RFTN1: variants seen among roughly 807,000 people sequenced by gnomAD.
RFTN1 encodes the protein raftlin, lipid raft linker 1.
RFTN1 carries 26 observed loss-of-function variants against 46.5 expected under a neutral mutation model. The observed-to-expected ratio is 0.56, with a 90% CI of 0.41 to 0.78. The LOEUF (loss-of-function observed/expected upper bound fraction) is 0.78. RFTN1 is among the 30% of genes least tolerant of loss of function. The probability of loss-of-function intolerance (pLI) is 0.00; values close to 1 mark genes in which losing one functional copy is unlikely to be tolerated. For missense variants in RFTN1, 693 were observed against 718.7 expected (o/e 0.96, Z 0.41); for synonymous variants, 261 against 284.2 (o/e 0.92, Z 0.82).
rs1575110687 is a variant in RFTN1, at chr3:16,356,854, G to A, written c.1146+1078C>T. On this transcript the variant is annotated intron_variant, in intron 7 of 9. Transcript: ENST00000334133. This position sits in a 1 kb window ranked among gnomAD's most constrained non-coding sequence, Gnocchi z 4.9. ...TCCATGGCTGGGCACGGTGGCTCACGCTGTAATCCCAGCACTTCAACAGGC... is the reference window on the plus strand; with the variant it reads ...TCCATGGCTGGGCACGGTGGCTCACACTGTAATCCCAGCACTTCAACAGGC... Among the ~76,000 whole-genome samples the A allele has an allele frequency of 6.6e-6, 1 of 152,268 alleles. No homozygotes were observed. Among genetic ancestry groups the A allele is most frequent in the African/African-American group, 2.4e-5 (1 of 41,568 alleles).
chr3:16,489,647 C>T lies in RFTN1; in HGVS notation c.145+4078G>A, dbSNP rs890475831. Among the ~76,000 whole-genome samples the T allele has an allele frequency of 2.0e-5, 3 of 152,110 alleles. No homozygotes were observed. The highest frequency in any genetic ancestry group is 4.4e-5 in the Non-Finnish European group (3 of 68,030). ...GAGCAGGCCAGTGCAGTGGCTCATG[C>T]CTGTAAGCCCAGCACTTTGGGAGGC... On this transcript the variant is annotated intron_variant, in intron 2 of 9. Coordinates refer to ENST00000334133, the MANE Select transcript of RFTN1 (RefSeq NM_015150.2). The surrounding 1 kb of genome is among the most constrained non-coding windows in gnomAD (Gnocchi z 4.0).
chr3:16,391,891 TTTG>T (rs1333112835), intron 4 of RFTN1, among the ~76,000 whole-genome samples: 548 of 27,192 alleles, frequency 0.02, 94 homozygotes, highest in Non-Finnish European at 0.027. Context: ...TGTTTTTTTT[TTTG>T]TTTTTTTTAC....
intron 6 of RFTN1, 115 bp downstream of exon 6, chr3:16,369,961 G>A: frequency 2.1e-6 from 2 of 963,814 alleles, no homozygotes; most frequent in East Asian, 4.9e-5. Context: ...ATGCAGCATG[G>A]TTATCGGCTG....
At chr3:16,469,936 C>A (rs867591009) in intron 2 of RFTN1, among the ~76,000 whole-genome samples, 37 of 152,310 alleles carry the variant, frequency 2.4e-4, no homozygotes, top group South Asian at 4.1e-4. Context: ...TTCACCCTGA[C>A]AATAACCCAG....
At chr3:16,435,915 T>TAA (rs1436879578) in intron 2 of RFTN1, among the ~76,000 whole-genome samples, 1 of 52,052 alleles carries the variant, frequency 1.9e-5, no homozygotes, top group Non-Finnish European at 3.9e-5. Context: ...ATCAGAGATG[T>TAA]AAATATATAT....
Position 16,468,825 on chromosome 3 carries a change from G to A in RFTN1, c.145+24900C>T, listed in dbSNP as rs1028962950. Among the ~76,000 whole-genome samples, 1 of 152,088 alleles carries A rather than the reference G, an allele frequency of 6.6e-6. No individual in the cohort carries two copies. The highest frequency in any genetic ancestry group is 2.4e-5 in the African/African-American group (1 of 41,412). On this transcript the variant is annotated intron_variant, in intron 2 of 9. Coordinates refer to ENST00000334133, the MANE Select transcript of RFTN1 (RefSeq NM_015150.2). The surrounding 1 kb of genome is among the most constrained non-coding windows in gnomAD (Gnocchi z 4.4). The stretch of plus-strand genomic sequence containing the variant: ...GGAGCAATTAAATCTTTATAACTGA[G>A]ACAAAAAAAATGCCACATAATTAGA...
In RFTN1 at chr3:16,376,211, G is replaced by A. The variant is rs1205726159; in HGVS notation, c.826+1507C>T. On this transcript the variant is annotated intron_variant, in intron 5 of 9. Transcript: ENST00000334133. This position sits in a 1 kb window ranked among gnomAD's most constrained non-coding sequence, Gnocchi z 4.7. ...CAATAATAGCAGCTCATACTCATGA[G>A]TCAAACAGTGCCGAGTGCTTTAAAT... 6.6e-6 allele frequency among the ~76,000 whole-genome samples: 1 copy of A among 152,194 alleles called. No homozygotes were observed. Among genetic ancestry groups the A allele is most frequent in the East Asian group, 1.9e-4 (1 of 5,202 alleles).
rs1037138382 is a variant in RFTN1, at chr3:16,417,247, G to A, written c.333-7764C>T. ...GCCCAGGCCATCAAGTGATCCTCCC[G>A]CCTCAGCCTCCTAAAGTGCTGAGAA... On this transcript the variant is annotated intron_variant, in intron 3 of 9. Coordinates refer to ENST00000334133, the MANE Select transcript of RFTN1 (RefSeq NM_015150.2). 1.2e-4 allele frequency among the ~76,000 whole-genome samples: 18 copies of A among 151,034 alleles called. 1 individual carries two copies. Among genetic ancestry groups the A allele is most frequent in the South Asian group, 8.4e-4 (4 of 4,736 alleles).
At chr3:16,372,511 C>G (rs10212328) in intron 5 of RFTN1, among the ~76,000 whole-genome samples, 1,948 of 152,154 alleles carry the variant, frequency 0.013, 42 homozygotes, top group African/African-American at 0.045. Context: ...CAGTCAAGCA[C>G]AAATGCAAAT....
At position 16,465,616 on chromosome 3, in the gene RFTN1, G is replaced by A. The variant is rs1284004388; in HGVS notation, c.145+28109C>T. Reference sequence around the variant, plus strand: ...TTTAATAGTTTGTACAATCTGATGAGTGGTGCAATTTAGCCCCCATGTCAA... The same window carrying A: ...TTTAATAGTTTGTACAATCTGATGAATGGTGCAATTTAGCCCCCATGTCAA... On this transcript the variant is annotated intron_variant, in intron 2 of 9. Coordinates refer to ENST00000334133, the MANE Select transcript of RFTN1 (RefSeq NM_015150.2). This position sits in a 1 kb window ranked among gnomAD's most constrained non-coding sequence, Gnocchi z 5.1. Among the ~76,000 whole-genome samples, 1 of 152,180 alleles carries A rather than the reference G, an allele frequency of 6.6e-6. No homozygotes were observed. The highest frequency in any genetic ancestry group is 1.5e-5 in the Non-Finnish European group (1 of 68,032).
chr3:16,444,627 T>C (rs2075694646), intron 2 of RFTN1, among the ~76,000 whole-genome samples: 1 of 151,988 alleles, frequency 6.6e-6, no homozygotes. Context: ...AATAAGCGAG[T>C]TGGAAAATGA....
chr3:16,318,400 G>A (rs1207343472), intron 9 of RFTN1, among the ~76,000 whole-genome samples: 3 of 152,166 alleles, frequency 2.0e-5, no homozygotes, highest in Non-Finnish European at 4.4e-5. Context: ...CTAGAGAGAG[G>A]AGCCCAGGAA....
chr3:16,491,813 G>T (rs947050104), intron 2 of RFTN1, among the ~76,000 whole-genome samples: 1 of 151,026 alleles, frequency 6.6e-6, no homozygotes, highest in African/African-American at 2.4e-5. Context: ...GGAGAAAAAA[G>T]AATTCCCCCA....
At chr3:16,436,938 C>G (rs7639641) in intron 2 of RFTN1, among the ~76,000 whole-genome samples, 85 of 152,224 alleles carry the variant, frequency 5.6e-4, no homozygotes, top group African/African-American at 2.0e-3. Context: ...TCAGTAAATT[C>G]CCCTTGCTCC....
rs2075807036 is a variant in RFTN1 at position 16,450,567 on chromosome 3, T to C, written c.146-16530A>G. Among the ~76,000 whole-genome samples the C allele has an allele frequency of 6.6e-6, 1 of 152,276 alleles. No homozygotes were observed. Among genetic ancestry groups the C allele is most frequent in the East Asian group, 1.9e-4 (1 of 5,178 alleles). ...CCTCAGGTGGCTTCCACAGGCAAAT[T>C]AGCTTCATCAAACAACACTAGGTCT... On this transcript the variant is annotated intron_variant, in intron 2 of 9. Transcript: ENST00000334133. The surrounding 1 kb of genome is among the most constrained non-coding windows in gnomAD (Gnocchi z 4.6).
intron 8 of RFTN1, among the ~76,000 whole-genome samples, chr3:16,324,713 TCATC>T (rs1553718195): frequency 2.1e-5 from 3 of 144,608 alleles, no homozygotes; most frequent in East Asian, 2.0e-4. Context: ...CACATTTTCT[TCATC>T]CATCTGATGA....
intron 1 of RFTN1, among the ~76,000 whole-genome samples, chr3:16,495,166 G>A (rs1209580156): frequency 1.3e-5 from 2 of 152,216 alleles, no homozygotes; most frequent in Non-Finnish European, 2.9e-5. Flanking sequence ...GGCCAGAGCA[G>A]ACATGATTTA....
chr3:16,473,402 C>CTT lies in RFTN1; in HGVS notation c.145+20321_145+20322dup, dbSNP rs5846924. ...AAATACTCTGTTTTCTTTCTTTTTTCTTTTTTTTTTTTTCCTGAGATAGAG... is the reference window on the plus strand; with the variant it reads ...AAATACTCTGTTTTCTTTCTTTTTTCTTTTTTTTTTTTTTTCCTGAGATAGAG... On this transcript the variant is annotated intron_variant, in intron 2 of 9. Coordinates refer to ENST00000334133, the MANE Select transcript of RFTN1 (RefSeq NM_015150.2). The surrounding 1 kb of genome is among the most constrained non-coding windows in gnomAD (Gnocchi z 5.3). Among the ~76,000 whole-genome samples, 40 of 144,798 alleles carry CTT rather than the reference C, an allele frequency of 2.8e-4. No homozygotes were observed. The highest frequency in any genetic ancestry group is 7.1e-4 in the African/African-American group (28 of 39,644). 95.0% of individuals were successfully genotyped at this position (144,798 alleles called of 152,430 possible).
chr3:16,494,953 C>T (rs1266505026), intron 1 of RFTN1, among the ~76,000 whole-genome samples: 3 of 152,176 alleles, frequency 2.0e-5, no homozygotes, highest in East Asian at 3.8e-4. Flanking sequence ...ACAAGGTACC[C>T]AGCTTCCTAA....
Sources: allele counts gnomAD v4.1 joint callset (sites outside exome capture counted in the v4.1 genomes callset), GRCh38; gene constraint gnomAD v4.1.1; non-coding constraint Gnocchi (gnomAD v3.1); transcripts MANE v1.5; gene names NCBI Gene and HGNC (gene_info 2026-07-23, HGNC 2026-07-21).